Variants in TMEM132B observed in about 807,000 individuals in gnomAD.
TMEM132B encodes the protein transmembrane protein 132B.
TMEM132B carries 18 observed loss-of-function variants against 90.8 expected under a neutral mutation model. The observed-to-expected ratio is 0.20, with a 90% CI of 0.14 to 0.29. The LOEUF (loss-of-function observed/expected upper bound fraction) is 0.29, where lower values mean the gene tolerates loss of function less well. TMEM132B is among the 10% of genes least tolerant of loss of function. The pLI, the probability that TMEM132B is intolerant of heterozygous loss-of-function variation, is 1.00. For missense variants in TMEM132B, 1,096 were observed against 1,326.8 expected (o/e 0.83, Z 2.70); for synonymous variants, 504 against 523.3 (o/e 0.96, Z 0.50).
chr12:125,314,369 A>G (rs1188464736), intron 1 of TMEM132B, among the ~76,000 whole-genome samples: 1 of 152,240 alleles, frequency 6.6e-6, no homozygotes, highest in Non-Finnish European at 1.5e-5. Flanking sequence ...TCTAGGCAGC[A>G]GATGGGAGGC....
chr12:125,218,734 A>C (rs902669191), intron 1 of TMEM132B, among the ~76,000 whole-genome samples: 1 of 149,864 alleles, frequency 6.7e-6, no homozygotes, highest in Non-Finnish European at 1.5e-5. Flanking sequence ...TGGGATGGGT[A>C]GGAGAGAGGG....
At chr12:125,380,945 C>T (rs999072875) in intron 2 of TMEM132B, among the ~76,000 whole-genome samples, 7 of 152,214 alleles carry the variant, frequency 4.6e-5, no homozygotes, top group African/African-American at 1.7e-4. Context: ...CACATGAATG[C>T]ACACCCTCTT....
intron 5 of TMEM132B, among the ~76,000 whole-genome samples, chr12:125,621,527 A>G (rs1206560824): frequency 1.3e-5 from 2 of 152,168 alleles, no homozygotes; most frequent in Non-Finnish European, 2.9e-5. Flanking sequence ...TATGGATCTC[A>G]GTGGCAGATA....
At chr12:125,364,282 A>T (rs1177212611) in intron 2 of TMEM132B, among the ~76,000 whole-genome samples, 1 of 152,202 alleles carries the variant, frequency 6.6e-6, no homozygotes, top group East Asian at 1.9e-4. Flanking sequence ...ACATATTGGA[A>T]ATATTTTATA....
At chr12:125,337,915 C>G (rs942529911) in intron 1 of TMEM132B, among the ~76,000 whole-genome samples, 1 of 152,214 alleles carries the variant, frequency 6.6e-6, no homozygotes, top group Non-Finnish European at 1.5e-5. Flanking sequence ...CTAGCCATTT[C>G]TGGTTTTAGT....
chr12:125,336,499 G>T (rs1876966157), intron 1 of TMEM132B, among the ~76,000 whole-genome samples: 1 of 152,170 alleles, frequency 6.6e-6, no homozygotes, highest in Admixed American at 6.5e-5. Flanking sequence ...TTCCAATTTT[G>T]TTTAGACTTA....
intron 4 of TMEM132B, among the ~76,000 whole-genome samples, chr12:125,576,843 TA>T (rs1566078958): frequency 6.6e-6 from 1 of 151,990 alleles, no homozygotes; most frequent in Admixed American, 6.6e-5. Context: ...TTTAGTCCTT[TA>T]AAAAAATGTT....
chr12:125,272,945 T>C (rs1874878755), intron 1 of TMEM132B, among the ~76,000 whole-genome samples: 1 of 152,220 alleles, frequency 6.6e-6, no homozygotes, highest in African/African-American at 2.4e-5. Flanking sequence ...ACTGGTGACC[T>C]CATCTGGAGA....
intron 1 of TMEM132B, among the ~76,000 whole-genome samples, chr12:125,265,611 T>C (rs567152992): frequency 2.4e-4 from 36 of 152,312 alleles, no homozygotes; most frequent in African/African-American, 7.0e-4. Flanking sequence ...TTTTGCGAAC[T>C]GAACACACTC....
intron 5 of TMEM132B, among the ~76,000 whole-genome samples, chr12:125,596,080 G>A (rs77230880): frequency 0.07 from 10,596 of 152,166 alleles, 420 homozygotes; most frequent in East Asian, 0.13. Flanking sequence ...AGAGTTACTT[G>A]TACTAACAGA....
At chr12:125,626,901 A>G (rs1886246729) in intron 5 of TMEM132B, among the ~76,000 whole-genome samples, 1 of 151,840 alleles carries the variant, frequency 6.6e-6, no homozygotes. Flanking sequence ...GCCCTGTTTT[A>G]TCTCTCTTTT....
chr12:125,644,346 A>T lies in TMEM132B; in HGVS notation c.1643+65A>T, dbSNP rs578081287. ...GGAGTCCAGATCTTTGTGGGAGGCA[A>T]ACTGGCCCTCAGGGACTCAAGCCAT... On this transcript the variant is annotated intron_variant, in intron 6 of 8. Transcript: ENST00000682704. The T allele has an allele frequency of 1.9e-6, 3 of 1,561,634 alleles. No homozygotes were observed. In the Admixed American group the frequency reaches 5.4e-5, roughly 28 times the overall value.
chr12:125,315,229 C>T (rs1347498262), intron 1 of TMEM132B, among the ~76,000 whole-genome samples: 4 of 152,236 alleles, frequency 2.6e-5, no homozygotes, highest in African/African-American at 7.2e-5. Flanking sequence ...GACAGGGTCT[C>T]GCTCTGTCAC....
At chr12:125,568,524 A>G (rs1177136292) in intron 4 of TMEM132B, among the ~76,000 whole-genome samples, 3 of 152,050 alleles carry the variant, frequency 2.0e-5, no homozygotes, top group African/African-American at 7.2e-5. Flanking sequence ...TCAGATGGAG[A>G]CTGGGGTGCT....
rs1887128183 is a variant in TMEM132B, at chr12:125,658,569, A to G, written c.*3859A>G. 6.6e-6 allele frequency: 1 copy of G among 152,260 alleles called. No homozygotes were observed. The highest frequency in any genetic ancestry group is 2.1e-4 in the South Asian group (1 of 4,832). The allele number at this position is 152,260 out of a possible 1,614,324, so 9.4% of individuals were successfully genotyped here. A position where few individuals can be genotyped will look rare whatever the true frequency, so the allele number is the denominator to read the frequency against. On this transcript the variant is annotated 3_prime_UTR_variant, in exon 9 of 9. Coordinates refer to ENST00000682704, the MANE Select transcript of TMEM132B (RefSeq NM_001366854.1). ...CTCAGCAGCCCTCACCTTTTATTAA[A>G]ATTATATATGTGTGATGTAATGCAT...
At chr12:125,197,980 C>T (rs917611186) in intron 1 of TMEM132B, among the ~76,000 whole-genome samples, 1 of 152,190 alleles carries the variant, frequency 6.6e-6, no homozygotes, top group Non-Finnish European at 1.5e-5. Context: ...GTAGGCAAAG[C>T]TCAGTGGCTC....
At chr12:125,338,395 A>G (rs1309030350) in intron 1 of TMEM132B, among the ~76,000 whole-genome samples, 6 of 152,192 alleles carry the variant, frequency 3.9e-5, no homozygotes, top group African/African-American at 1.4e-4. Context: ...ACCAACACCC[A>G]CACTTGGATG....
At chr12:125,367,322 G>A (rs943904341) in intron 2 of TMEM132B, among the ~76,000 whole-genome samples, 6 of 152,042 alleles carry the variant, frequency 3.9e-5, no homozygotes, top group African/African-American at 1.4e-4. Context: ...TGTTTCTTTT[G>A]TTTCAGCAGG....
chr12:125,254,579 A>G (rs911754767), intron 1 of TMEM132B, among the ~76,000 whole-genome samples: 4 of 152,090 alleles, frequency 2.6e-5, no homozygotes, highest in African/African-American at 7.2e-5. Flanking sequence ...GATTGCCTGT[A>G]TCCCCTCCAG....
Sources: allele counts gnomAD v4.1 joint callset (sites outside exome capture counted in the v4.1 genomes callset), GRCh38; gene constraint gnomAD v4.1.1; transcripts MANE v1.5; gene names NCBI Gene and HGNC (gene_info 2026-07-23, HGNC 2026-07-21).